KLHL15: variants seen among roughly 807,000 people sequenced by gnomAD.
KLHL15 encodes kelch like family member 15.
KLHL15 carries 1 observed loss-of-function variant against 29.3 expected under a neutral mutation model. The observed-to-expected ratio is 0.03, with a 90% CI of 0.01 to 0.16. The LOEUF (loss-of-function observed/expected upper bound fraction) is 0.16. Among genes scored for constraint, KLHL15 ranks in the 10% least tolerant of loss-of-function variants. KLHL15 has a pLI of 1.00. For synonymous variants in KLHL15, 212 were observed against 184.5 expected (o/e 1.15, Z -1.21); for missense variants, 215 against 478.5 (o/e 0.45, Z 5.14).
chrX:23,993,021 G>GA (rs1929115950), intron 3 of KLHL15, among the ~76,000 whole-genome samples: 2 of 106,261 alleles, frequency 1.9e-5, no homozygotes, highest in Non-Finnish European at 3.8e-5. Context: ...ATAACAAAGA[G>GA]AAACAACCCT....
In KLHL15 at chrX:24,012,988, A is replaced by G. The variant is rs1287240814; in HGVS notation, c.-7-6288T>C. The stretch of plus-strand genomic sequence containing the variant: ...AAGGGAGAACACAAGAGGTCTATCT[A>G]TAATTTGGAAAAAAAATATATTCTG... On this transcript the variant is annotated intron_variant, in intron 2 of 3. Transcript: ENST00000328046. Among the ~76,000 whole-genome samples the G allele has an allele frequency of 3.6e-5, 4 of 111,421 alleles. No individual in the cohort carries two copies. The East Asian group carries it at 1.1e-3, about 31-fold the overall frequency.
At chrX:24,019,074 TA>T (rs1439617905) in intron 2 of KLHL15, among the ~76,000 whole-genome samples, 1 of 112,040 alleles carries the variant, frequency 8.9e-6, no homozygotes, top group Non-Finnish European at 1.9e-5. Context: ...TTACACATGG[TA>T]TGTGATATTG....
chrX:23,992,955 AAAGG>A (rs1267600500), intron 3 of KLHL15, among the ~76,000 whole-genome samples: 9 of 111,937 alleles, frequency 8.0e-5, no homozygotes, highest in African/African-American at 2.9e-4. Flanking sequence ...TTTATAGGTT[AAAGG>A]AAGAGTGAAG....
chrX:24,005,803 A>G (rs1428173143), intron 3 of KLHL15, among the ~76,000 whole-genome samples, 186 bp downstream of exon 3: 1 of 112,162 alleles, frequency 8.9e-6, no homozygotes, highest in Admixed American at 9.5e-5. Context: ...TACAAAACCT[A>G]AATGCACAAC....
At chrX:24,007,922 T>C (rs1246663608) in intron 2 of KLHL15, among the ~76,000 whole-genome samples, 1 of 100,875 alleles carries the variant, frequency 9.9e-6, no homozygotes, top group Non-Finnish European at 2.0e-5. Flanking sequence ...TCAGATATTG[T>C]ATGAAAAAAA....
At chrX:24,007,188 T>C (rs913064496) in intron 2 of KLHL15, among the ~76,000 whole-genome samples, 1 of 109,663 alleles carries the variant, frequency 9.1e-6, no homozygotes, top group Non-Finnish European at 1.9e-5. Context: ...AGCACGACCC[T>C]ATCTCTTAAA....
At chrX:24,009,698 A>C (rs1929534440) in intron 2 of KLHL15, among the ~76,000 whole-genome samples, 1 of 98,683 alleles carries the variant, frequency 1.0e-5, no homozygotes, top group African/African-American at 3.6e-5. Flanking sequence ...AAAAAAAAAA[A>C]AAAAAAAAAA....
At chrX:24,000,270 G>C (rs902349084) in intron 3 of KLHL15, among the ~76,000 whole-genome samples, 2 of 111,037 alleles carry the variant, frequency 1.8e-5, no homozygotes, top group Non-Finnish European at 3.8e-5. Context: ...CAGATCATGA[G>C]GTCAGGAGAT....
chrX:24,020,933 T>C (rs1352234779), intron 2 of KLHL15, among the ~76,000 whole-genome samples: 1 of 112,193 alleles, frequency 8.9e-6, no homozygotes, highest in African/African-American at 3.2e-5. Flanking sequence ...CTATAATATA[T>C]ATCATTAACT....
chrX:23,992,744 C>G (rs183716099), intron 3 of KLHL15, among the ~76,000 whole-genome samples: 2 of 112,183 alleles, frequency 1.8e-5, no homozygotes, highest in Admixed American at 9.5e-5. Context: ...AAAAGGGGAA[C>G]GTATCTAAAT....
intron 2 of KLHL15, among the ~76,000 whole-genome samples, chrX:24,019,427 T>C (rs1464155984): frequency 9.0e-6 from 1 of 110,525 alleles, no homozygotes; most frequent in Non-Finnish European, 1.9e-5. Context: ...AGCTCATTTT[T>C]TTATTTTTAG....
In KLHL15 at chrX:23,985,765, C is replaced by A. The variant is rs1474842508; in HGVS notation, c.*2156G>T. On this transcript the variant is annotated 3_prime_UTR_variant, in exon 4 of 4. Coordinates refer to ENST00000328046, the MANE Select transcript of KLHL15 (RefSeq NM_030624.3). ...TAGTGTAAAGGCTTTGATGTGGATA[C>A]CTGGCCTGATGGCTCTTTCTTGGTC... is the stretch of plus-strand genomic sequence containing the variant. 8.9e-6 allele frequency: 1 copy of A among 112,118 alleles called. No individual in the cohort carries two copies. Among genetic ancestry groups the A allele is most frequent in the Non-Finnish European group, 1.9e-5 (1 of 53,168 alleles). The allele number at this position is 112,118 out of a possible 1,213,427, so 9.2% of individuals were successfully genotyped here. A position where few individuals can be genotyped will look rare whatever the true frequency, so the allele number is the denominator to read the frequency against.
intron 3 of KLHL15, among the ~76,000 whole-genome samples, chrX:24,004,887 A>G (rs1412200905): frequency 9.0e-6 from 1 of 111,530 alleles, no homozygotes; most frequent in African/African-American, 3.3e-5. Context: ...AAAATCCACA[A>G]AACTGAATTC....
chrX:24,025,248 C>A (rs1458651349), intron 1 of KLHL15, among the ~76,000 whole-genome samples, 190 bp from the exon 2 acceptor site: 1 of 111,032 alleles, frequency 9.0e-6, no homozygotes, highest in African/African-American at 3.2e-5. Context: ...GAGACAGAAG[C>A]ACCAGCCGAG....
rs770341279 is a variant in KLHL15 at position 24,001,950 on chromosome X, A to G, written c.705+4039T>C. 5.7e-3 allele frequency among the ~76,000 whole-genome samples: 612 copies of G among 106,996 alleles called. 11 individuals are homozygous for G. The highest frequency in any genetic ancestry group is 0.019 in the African/African-American group (560 of 29,391). 92.9% of individuals were successfully genotyped at this position (106,996 alleles called of 115,157 possible). ...AGATCGAGACCATCCTGGCTAACAC[A>G]GTGAAACCCCGTCTCTACTAAAAAT... On this transcript the variant is annotated intron_variant, in intron 3 of 3. Transcript: ENST00000328046.
intron 3 of KLHL15, among the ~76,000 whole-genome samples, chrX:24,002,667 C>T (rs756437836): frequency 1.4e-4 from 14 of 102,854 alleles, no homozygotes; most frequent in Admixed American, 4.3e-4. Context: ...TCACTTTTAT[C>T]GCCCAGCTGG....
At position 24,006,125 on chromosome X, in the gene KLHL15, C is replaced by A. The variant is rs1381741169; in HGVS notation, c.569G>T (p.Ser190Ile). 4 of 1,211,608 alleles carry A rather than the reference C, an allele frequency of 3.3e-6. No individual in the cohort carries two copies. Among genetic ancestry groups the A allele is most frequent in the Non-Finnish European group, 3.4e-6 (3 of 895,417 alleles). Residue 190 changes from serine (S) to isoleucine (I), a missense_variant, in exon 3 of 4, where the codon AGC (serine) becomes ATC (isoleucine). Coordinates refer to ENST00000328046, the MANE Select transcript of KLHL15 (RefSeq NM_030624.3). ...LMSYLDNDHL[S>I]RFPEIELYEA... Reference sequence around the variant, plus strand: ...GTACAGCTCTATCTCTGGGAACCTGCTCAGATGATCATTATCCAAGTAAGA... The same window carrying A: ...GTACAGCTCTATCTCTGGGAACCTGATCAGATGATCATTATCCAAGTAAGA...
At chrX:24,011,956 C>CT (rs1323473809) in intron 2 of KLHL15, among the ~76,000 whole-genome samples, 1 of 112,488 alleles carries the variant, frequency 8.9e-6, no homozygotes, top group African/African-American at 3.2e-5. Flanking sequence ...CAAGACCAGC[C>CT]TGGCCAACAT....
In KLHL15 at chrX:23,987,914, G is replaced by A. The variant is rs182471953; in HGVS notation, c.*7C>T. On this transcript the variant is annotated 3_prime_UTR_variant, in exon 4 of 4. Coordinates refer to ENST00000328046, the MANE Select transcript of KLHL15 (RefSeq NM_030624.3). ...GTTTGCCTCTTTTTTTAGGGAGGAG[G>A]ATGTCATTAGTTGCAACGCCTGACC... is the stretch of plus-strand genomic sequence containing the variant. The A allele has an allele frequency of 3.1e-5, 36 of 1,177,970 alleles. No homozygotes were observed. The Admixed American group carries it at 8.6e-4, about 28-fold the overall frequency.
Sources: gnomAD v4.1 joint callset for allele counts (sites outside exome capture counted in the v4.1 genomes callset) on GRCh38, gnomAD v4.1.1 for gene constraint, MANE v1.5 for transcripts, NCBI Gene and HGNC (gene_info 2026-07-23, HGNC 2026-07-21) for gene names.